The following ZDHHC23 variants were observed in gnomAD, a reference collection of about 807,000 sequenced individuals.
ZDHHC23 encodes zDHHC palmitoyltransferase 23.
A neutral mutation model predicts 40.2 loss-of-function variants in ZDHHC23; 41 were observed. The observed-to-expected ratio is 1.02, with a 90% CI of 0.79 to 1.32. The LOEUF is 1.32. Among genes scored for constraint, ZDHHC23 ranks in the 40% most tolerant of loss-of-function variants. The pLI, the probability that ZDHHC23 is intolerant of heterozygous loss-of-function variation, is 0.00. For missense variants in ZDHHC23, 471 were observed against 541.5 expected (o/e 0.87, Z 1.29); for synonymous variants, 204 against 210.2 (o/e 0.97, Z 0.26).
intron 2 of ZDHHC23, among the ~76,000 whole-genome samples, chr3:113,949,488 T>C (rs72954676): frequency 0.026 from 3,931 of 152,252 alleles, 184 homozygotes; most frequent in African/African-American, 0.089. Flanking sequence ...GATTCACAGT[T>C]TTCAGTGCGA....
At chr3:113,955,551 A>G (rs1399077006) in intron 3 of ZDHHC23, among the ~76,000 whole-genome samples, 1 of 152,126 alleles carries the variant, frequency 6.6e-6, no homozygotes, top group African/African-American at 2.4e-5. Context: ...CCTGCCAAAG[A>G]GCCTGCATGT....
At position 113,960,478 on chromosome 3, in the gene ZDHHC23, CTG is replaced by C; in HGVS notation, c.*1853_*1854del. On this transcript the variant is annotated 3_prime_UTR_variant, in exon 5 of 5. Coordinates refer to ENST00000638807, the MANE Select transcript of ZDHHC23 (RefSeq NM_001320466.2). ...AGACAGTAATAATGTCAAGGATAGC[CTG>C]TGTGGGCAGAAATTGGTAGTCGTGC... The C allele has an allele frequency of 2.2e-6, 3 of 1,394,792 alleles. No individual in the cohort carries two copies. The highest frequency in any genetic ancestry group is 2.8e-6 in the Non-Finnish European group (3 of 1,082,050). The allele number at this position is 1,394,792 out of a possible 1,614,324, so 86.4% of individuals were successfully genotyped here. A position where few individuals can be genotyped will look rare whatever the true frequency, so the allele number is the denominator to read the frequency against.
chr3:113,975,654 A>C, the ZDHHC23 span, among the ~76,000 whole-genome samples: 1 of 152,206 alleles, frequency 6.6e-6, no homozygotes, highest in Non-Finnish European at 1.5e-5. Context: ...AGGGCAGTTT[A>C]ATGGATAGAC....
chr3:113,976,640 T>TAA, the ZDHHC23 span, among the ~76,000 whole-genome samples: 5 of 131,264 alleles, frequency 3.8e-5, no homozygotes, highest in Non-Finnish European at 6.6e-5. Context: ...GACACTAAAC[T>TAA]AAAAAAAAAA....
At chr3:113,965,312 A>T, downstream of ZDHHC23, 1 of 1,610,264 alleles carries the variant, frequency 6.2e-7, no homozygotes, top group South Asian at 1.1e-5. Flanking sequence ...CTCTTTCATA[A>T]ATTTTACAAA....
chr3:113,952,001 G>A (rs902846525), intron 2 of ZDHHC23, among the ~76,000 whole-genome samples: 12 of 152,128 alleles, frequency 7.9e-5, no homozygotes, highest in East Asian at 3.9e-4. Flanking sequence ...GCCAGGCGTG[G>A]TGGCGCATGC....
At chr3:113,967,526 A>G (rs1261444649), downstream of ZDHHC23, among the ~76,000 whole-genome samples, 8 of 152,290 alleles carry the variant, frequency 5.3e-5, no homozygotes, top group East Asian at 1.2e-3. Context: ...GATACATAAT[A>G]TACATATTTT....
Position 113,959,624 on chromosome 3 carries a change from G to C in ZDHHC23, c.*994G>C. 1 of 1,182,638 alleles carries C rather than the reference G, an allele frequency of 8.5e-7. No homozygotes were observed. The highest frequency in any genetic ancestry group is 1.5e-5 in the South Asian group (1 of 65,104). 73.3% of individuals were successfully genotyped at this position (1,182,638 alleles called of 1,614,324 possible). ...TGGTAGGAAGGCTGAGTAACATCAC[G>C]GGCTCGATTATTTTCTTCATGTATT... On this transcript the variant is annotated 3_prime_UTR_variant, in exon 5 of 5. Transcript: ENST00000638807.
intron 3 of ZDHHC23, among the ~76,000 whole-genome samples, chr3:113,956,012 G>C (rs1269375735): frequency 1.3e-5 from 2 of 152,326 alleles, no homozygotes; most frequent in Middle Eastern, 6.8e-3. Context: ...GGGAGGCTGA[G>C]GTGGGTGGAT....
rs1939434624 is a variant in ZDHHC23 at position 113,958,395 on chromosome 3, CTG to C, written c.1076_1077del (p.Val359AspfsTer23). 1.2e-6 allele frequency: 2 copies of C among 1,614,082 alleles called. No individual in the cohort carries two copies. The highest frequency in any genetic ancestry group is 1.3e-5 in the African/African-American group (1 of 74,938). ...CTGTCCTTCACCTGCGTGTGGTACT[CTG>C]TGATCATCACAGCAGGCATGGCCTA... On this transcript the variant is annotated frameshift_variant, in exon 5 of 5. Coordinates refer to ENST00000638807, the MANE Select transcript of ZDHHC23 (RefSeq NM_001320466.2). LOFTEE classifies it high-confidence loss of function.
rs775119560 is a variant in ZDHHC23, at chr3:113,954,098, G to C, written c.560G>C (p.Arg187Thr). 9 of 1,614,076 alleles carry C rather than the reference G, an allele frequency of 5.6e-6. No individual in the cohort carries two copies. In the East Asian group the frequency reaches 2.0e-4, roughly 36 times the overall value. Residue 187 changes from arginine (R) to threonine (T), a missense_variant, in exon 3 of 5, where the codon AGA (arginine) becomes ACA (threonine). By Grantham distance (71) the Arg-to-Thr change is moderately conservative. Coordinates refer to ENST00000638807, the MANE Select transcript of ZDHHC23 (RefSeq NM_001320466.2). ...GLFLILLALH[R>T]AKKNPGYLSN... ...TTTCTGATACTCTTAGCCTTGCACA[G>C]AGCCAAGAAGAATCCAGGCTACCTC...
chr3:113,969,204 G>A (rs925898373), downstream of ZDHHC23, among the ~76,000 whole-genome samples: 1 of 152,290 alleles, frequency 6.6e-6, no homozygotes, highest in Admixed American at 6.5e-5. Flanking sequence ...CTCCACTTCC[G>A]TCCAACATTG....
the ZDHHC23 span, among the ~76,000 whole-genome samples, chr3:113,971,259 T>C: frequency 1.3e-5 from 2 of 152,230 alleles, no homozygotes; most frequent in Non-Finnish European, 2.9e-5. Flanking sequence ...ATCGCCATTC[T>C]AACTGGTGTG....
intron 3 of ZDHHC23, 46 bp from the exon 4 acceptor site, chr3:113,956,293 C>A: frequency 6.4e-7 from 1 of 1,570,448 alleles, no homozygotes; most frequent in Non-Finnish European, 8.7e-7. Flanking sequence ...ATATCAAGAA[C>A]TCTTAAAAAT....
Position 113,948,671 on chromosome 3 carries a change from T to C in ZDHHC23, c.-117-15T>C. The C allele has an allele frequency of 9.1e-7, 1 of 1,099,888 alleles. No homozygotes were observed. The highest frequency in any genetic ancestry group is 1.6e-5 in the African/African-American group (1 of 63,744). The allele number at this position is 1,099,888 out of a possible 1,614,324, so 68.1% of individuals were successfully genotyped here. A position where few individuals can be genotyped will look rare whatever the true frequency, so the allele number is the denominator to read the frequency against. On this transcript the variant is annotated splice_polypyrimidine_tract_variant and intron_variant, in intron 1 of 4. Transcript: ENST00000638807. ...GACCCCCTCCCCCTCTCTCTTCTCA[T>C]TTTTGATTGCTCAGGCGTTGGAGGT... is the stretch of plus-strand genomic sequence containing the variant.
In ZDHHC23 at chr3:113,956,331, G is replaced by A; in HGVS notation, c.873-8G>A. 1 of 1,612,620 alleles carries A rather than the reference G, an allele frequency of 6.2e-7. No individual in the cohort carries two copies. Among genetic ancestry groups the A allele is most frequent in the South Asian group, 1.1e-5 (1 of 90,540 alleles). On this transcript the variant is annotated splice_polypyrimidine_tract_variant and splice_region_variant and intron_variant, in intron 3 of 4. Transcript: ENST00000638807. Reference sequence around the variant, plus strand: ...GTTTGCTTTTTTATTTCTCTATGCTGTTTTGAGGATAAATAGCTGCGTTGG... The same window carrying A: ...GTTTGCTTTTTTATTTCTCTATGCTATTTTGAGGATAAATAGCTGCGTTGG...
At chr3:113,955,466 C>G (rs1039012401) in intron 3 of ZDHHC23, among the ~76,000 whole-genome samples, 1 of 151,916 alleles carries the variant, frequency 6.6e-6, no homozygotes, top group African/African-American at 2.4e-5. Flanking sequence ...ACTGGAGCAT[C>G]CTGGCATGCA....
At chr3:113,964,319 TTCTC>T (rs1362377281), downstream of ZDHHC23, 11 of 152,352 alleles carry the variant, frequency 7.2e-5, no homozygotes, top group African/African-American at 2.6e-4. Flanking sequence ...TAGCAGGTAA[TTCTC>T]TAACACAATT....
rs1008869416 is a variant in ZDHHC23 at position 113,962,833 on chromosome 3, T to C, written c.*4203T>C. On this transcript the variant is annotated 3_prime_UTR_variant, in exon 5 of 5. Coordinates refer to ENST00000638807, the MANE Select transcript of ZDHHC23 (RefSeq NM_001320466.2). ...TGGGCTGCACATTTTGCACTGTTTT[T>C]ATATACTTGTATTCATATCCTCTTA... 6 of 152,224 alleles carry C rather than the reference T, an allele frequency of 3.9e-5. 1 individual carries two copies. The highest frequency in any genetic ancestry group is 4.1e-4 in the South Asian group (2 of 4,834). 9.4% of individuals were successfully genotyped at this position (152,224 alleles called of 1,614,324 possible). A position where few individuals can be genotyped will look rare whatever the true frequency, so the allele number is the denominator to read the frequency against.
Sources: gnomAD v4.1 joint callset for allele counts (sites outside exome capture counted in the v4.1 genomes callset) on GRCh38, gnomAD v4.1.1 for gene constraint, MANE v1.5 for transcripts, NCBI Gene and HGNC (gene_info 2026-07-23, HGNC 2026-07-21) for gene names.